STK3: variants seen among roughly 807,000 people sequenced by gnomAD.
STK3 encodes serine/threonine kinase 3.
STK3 carries 41 observed loss-of-function variants against 58.0 expected under a neutral mutation model. That is an observed-to-expected ratio of 0.71 (90% CI 0.55 to 0.92). STK3 has a LOEUF of 0.92. STK3 is among the 40% of genes least tolerant of loss of function. The probability of loss-of-function intolerance (pLI) is 0.00; values close to 1 mark genes in which losing one functional copy is unlikely to be tolerated. For missense variants in STK3, 479 were observed against 602.7 expected, an observed-to-expected ratio of 0.79 and a Z score of 2.15; for synonymous variants, 170 against 191.0, an observed-to-expected ratio of 0.89 and a Z score of 0.91.
chr8:98,793,133 G>A (rs144180002), intron 1 of STK3, among the ~76,000 whole-genome samples: 44 of 152,148 alleles, frequency 2.9e-4, no homozygotes, highest in Admixed American at 3.9e-4. Context: ...CTATGAGGAC[G>A]CAAAGGCATA....
chr8:98,578,609 C>A (rs1351295566), intron 8 of STK3, among the ~76,000 whole-genome samples: 1 of 152,182 alleles, frequency 6.6e-6, no homozygotes, highest in Non-Finnish European at 1.5e-5. Context: ...GAAATTAAAA[C>A]TGAATTTAAT....
chr8:98,897,017 AAGAG>A (rs1838474864), intron 1 of STK3, among the ~76,000 whole-genome samples: 1 of 87,434 alleles, frequency 1.1e-5, no homozygotes, highest in Non-Finnish European at 3.0e-5. Flanking sequence ...AAAGAAAAGA[AAGAG>A]AAAGAGAAAG....
chr8:98,407,817 G>A (rs1352302082), intron 3 of STK3, among the ~76,000 whole-genome samples: 1 of 151,816 alleles, frequency 6.6e-6, no homozygotes, highest in Non-Finnish European at 1.5e-5. Context: ...GCTGATTGAG[G>A]GAAAAGCTTT....
intron 6 of STK3, among the ~76,000 whole-genome samples, chr8:98,599,241 T>G (rs1043431384): frequency 2.6e-5 from 4 of 152,192 alleles, no homozygotes; most frequent in Admixed American, 6.5e-5. Context: ...TGTTTCCTGA[T>G]AGCAAACATA....
intron 10 of STK3, among the ~76,000 whole-genome samples, chr8:98,506,442 A>G (rs554200755): frequency 6.6e-6 from 1 of 152,246 alleles, no homozygotes; most frequent in East Asian, 1.9e-4. Context: ...TGAACCAGGT[A>G]CCTCAATTGG....
intron 7 of STK3, among the ~76,000 whole-genome samples, chr8:98,587,527 C>T (rs542529932): frequency 6.0e-4 from 91 of 152,070 alleles, no homozygotes; most frequent in African/African-American, 2.0e-3. Context: ...AGTATGTGGT[C>T]AATTTTGGAA....
At chr8:98,502,079 G>A (rs140780403) in intron 10 of STK3, among the ~76,000 whole-genome samples, 93 of 152,080 alleles carry the variant, frequency 6.1e-4, no homozygotes, top group Middle Eastern at 3.4e-3. Context: ...CTTTTATTTC[G>A]TTGAGCAGTG....
intron 10 of STK3, among the ~76,000 whole-genome samples, chr8:98,469,593 A>G (rs915585362): frequency 6.6e-6 from 1 of 152,194 alleles, no homozygotes; most frequent in Non-Finnish European, 1.5e-5. Flanking sequence ...ATCTACTGGG[A>G]AGCCGGGAGA....
At chr8:98,933,085 A>T (rs188932756) in intron 1 of STK3, among the ~76,000 whole-genome samples, 1 of 152,168 alleles carries the variant, frequency 6.6e-6, no homozygotes, top group East Asian at 1.9e-4. Context: ...ACTCCAACAC[A>T]TAGAATGGGG....
intron 3 of STK3, among the ~76,000 whole-genome samples, chr8:98,752,279 T>C (rs1382530650): frequency 6.6e-6 from 1 of 152,006 alleles, no homozygotes; most frequent in Non-Finnish European, 1.5e-5. Context: ...AATAAAGAAC[T>C]CAGAAATAAG....
Position 98,767,360 on chromosome 8 carries a change from C to T in STK3, c.119G>A (p.Ser40Asn), listed in dbSNP as rs187757501. The change falls in exon 3 of 11, where the codon AGT (serine) becomes AAT (asparagine). Residue 40 changes from serine (S) to asparagine (N), a missense_variant. Around this residue, in one of 3 missense-constraint regions of STK3, gnomAD observed 126 missense variants for 210.1 expected, o/e 0.60. Transcript: ENST00000419617. ...LEKLGEGSYG[S>N]VFKAIHKESG... ...TTCCTTGTGTATTGCTTTAAATACACTTCCATAAGACCTAAAAGAAACCAA... is the reference window on the plus strand; with the variant it reads ...TTCCTTGTGTATTGCTTTAAATACATTTCCATAAGACCTAAAAGAAACCAA... 4.2e-3 allele frequency: 6,678 copies of T among 1,603,826 alleles called. 21 individuals carry two copies. Among genetic ancestry groups the T allele is most frequent in the Non-Finnish European group, 5.1e-3 (5,978 of 1,177,432 alleles).
At chr8:98,476,462 G>C (rs1451979932) in intron 10 of STK3, among the ~76,000 whole-genome samples, 2 of 151,996 alleles carry the variant, frequency 1.3e-5, no homozygotes, top group East Asian at 3.9e-4. Context: ...ACGGCTATGG[G>C]TAAATGTTCT....
chr8:98,678,661 A>C (rs62535410), intron 6 of STK3, among the ~76,000 whole-genome samples: 36,482 of 152,098 alleles, frequency 0.24, 5,280 homozygotes, highest in East Asian at 0.41. Context: ...AAAAAAAGAA[A>C]GTTATAAAAC....
intron 1 of STK3, among the ~76,000 whole-genome samples, chr8:98,793,427 A>G (rs1832932940): frequency 6.6e-6 from 1 of 152,212 alleles, no homozygotes; most frequent in Admixed American, 6.5e-5. Flanking sequence ...AGCCCCAGCT[A>G]CTCAGGAAGC....
At chr8:98,631,666 T>TG (rs1819252979) in intron 6 of STK3, among the ~76,000 whole-genome samples, 1 of 151,920 alleles carries the variant, frequency 6.6e-6, no homozygotes, top group African/African-American at 2.4e-5. Flanking sequence ...TTTCGTTTTT[T>TG]TGTGTGTTTT....
intron 1 of STK3, among the ~76,000 whole-genome samples, chr8:98,926,471 C>A (rs140133242): frequency 1.0e-3 from 159 of 152,086 alleles, no homozygotes; most frequent in African/African-American, 3.4e-3. Flanking sequence ...TTTATCATAC[C>A]CCGTGATGCC....
At chr8:98,487,748 T>A (rs996050078) in intron 10 of STK3, among the ~76,000 whole-genome samples, 3 of 152,206 alleles carry the variant, frequency 2.0e-5, no homozygotes, top group South Asian at 4.1e-4. Context: ...CCTTCACATA[T>A]ATGAAGACAA....
rs550402243 is a variant in STK3 at position 98,942,031 on chromosome 8, G to T, written c.-79+347C>A. On this transcript the variant is annotated intron_variant, in intron 1 of 1. Transcript: ENST00000519420. The stretch of plus-strand genomic sequence containing the variant: ...TCCGCACACCCGAAACCCACAACTC[G>T]CCCGTGGGCCGCGTGGCCTTTCTGC... 3.3e-5 allele frequency among the ~76,000 whole-genome samples: 5 copies of T among 152,294 alleles called. No individual in the cohort carries two copies. The South Asian group carries it at 8.3e-4, about 25-fold the overall frequency.
chr8:98,891,370 A>G (rs1838192318), intron 1 of STK3, among the ~76,000 whole-genome samples: 1 of 152,252 alleles, frequency 6.6e-6, no homozygotes, highest in Admixed American at 6.5e-5. Context: ...TATGGCTCCA[A>G]CACTCTTTAT....
Sources: gnomAD v4.1 joint callset for allele counts (sites outside exome capture counted in the v4.1 genomes callset) on GRCh38, gnomAD v4.1.1 for gene constraint, gnomAD v4.1.1 regional missense constraint, MANE v1.5 for transcripts, NCBI Gene and HGNC (gene_info 2026-07-23, HGNC 2026-07-21) for gene names.